The following AGBL3 variants were observed in gnomAD, a reference collection of about 807,000 sequenced individuals.
AGBL3 encodes the protein AGBL carboxypeptidase 3.
AGBL3 carries 68 observed loss-of-function variants against 94.5 expected under a neutral mutation model. That is an observed-to-expected ratio of 0.72 (90% confidence interval 0.59 to 0.88). The LOEUF is 0.88. Among genes scored for constraint, AGBL3 ranks in the 40% least tolerant of loss-of-function variants. The pLI is 0.00. For missense variants in AGBL3, 934 were observed against 1,103.8 expected, an observed-to-expected ratio of 0.85 and a Z score of 2.18; for synonymous variants, 354 against 370.7, an observed-to-expected ratio of 0.95 and a Z score of 0.52.
At chr7:135,055,996 C>G (rs1662451030) in intron 11 of AGBL3, among the ~76,000 whole-genome samples, 1 of 137,034 alleles carries the variant, frequency 7.3e-6, no homozygotes, top group African/African-American at 2.5e-5. Flanking sequence ...TTCTGGTACA[C>G]TGTGTCTTTC....
chr7:135,100,201 A>C (rs989619562), intron 15 of AGBL3: 12 of 152,056 alleles, frequency 7.9e-5, no homozygotes, highest in African/African-American at 2.9e-4. Flanking sequence ...TTTAAAAAAA[A>C]AAAAAACACT....
chr7:135,004,947 C>T (rs986163246), intron 4 of AGBL3, among the ~76,000 whole-genome samples: 1 of 151,044 alleles, frequency 6.6e-6, no homozygotes, highest in Non-Finnish European at 1.5e-5. Context: ...TTTATTTAAC[C>T]TCTTGCTCTG....
chr7:135,008,083 G>A (rs775115816), intron 4 of AGBL3, among the ~76,000 whole-genome samples: 5 of 151,932 alleles, frequency 3.3e-5, no homozygotes, highest in Non-Finnish European at 5.9e-5. Flanking sequence ...CAGATTGAAT[G>A]CAATTTCCAT....
chr7:135,046,113 A>G (rs1202663391), intron 11 of AGBL3, among the ~76,000 whole-genome samples: 1 of 152,170 alleles, frequency 6.6e-6, no homozygotes, highest in Admixed American at 6.6e-5. Context: ...TGCTATGTAC[A>G]GTGTACTGTG....
intron 7 of AGBL3, among the ~76,000 whole-genome samples, chr7:135,036,018 G>A (rs1816271546): frequency 6.6e-6 from 1 of 152,002 alleles, no homozygotes. Context: ...TAATTTCACT[G>A]TAGTTTAAAG....
intron 5 of AGBL3, among the ~76,000 whole-genome samples, chr7:135,024,198 G>T (rs1814830906): frequency 6.6e-6 from 1 of 152,154 alleles, no homozygotes; most frequent in Non-Finnish European, 1.5e-5. Context: ...CCAGTGATTG[G>T]AGGGGACTCC....
chr7:134,989,293 G>A lies in AGBL3; in HGVS notation c.107G>A (p.Arg36Gln), dbSNP rs1362392130. The change falls in exon 3 of 17, where the codon CGG (arginine) becomes CAG (glutamine). Residue 36 changes from arginine to glutamine, a missense_variant. Transcript: ENST00000436302. ...FMKFVSEDLH[R>Q]CALLTADSFG... ...AAATTTGTAAGTGAAGATCTTCATC[G>A]GTGTGCACTTTTAACAGGTTTGAAC... The A allele has an allele frequency of 2.5e-5, 38 of 1,546,958 alleles. No homozygotes were observed. Among genetic ancestry groups the A allele is most frequent in the Middle Eastern group, 1.7e-4 (1 of 5,988 alleles).
In AGBL3 at chr7:135,034,375, C is replaced by A; in HGVS notation, c.784C>A (p.Gln262Lys). 1.3e-6 allele frequency: 2 copies of A among 1,551,582 alleles called. No individual in the cohort carries two copies. Among genetic ancestry groups the A allele is most frequent in the Non-Finnish European group, 1.7e-6 (2 of 1,146,954 alleles). ...CATTGGCTGGCAGAGAATAGGAGAC[C>A]AAATCAAGTATTATAGGAACAACCC... ...HHIGWQRIGD[Q>K]IKYYRNNPGQ... is the part of the protein sequence containing the mutation. Residue 262 changes from glutamine to lysine, a missense_variant, in exon 7 of 17, where the codon CAA (glutamine) becomes AAA (lysine). This residue lies in a region of AGBL3 where 488 missense variants were observed against 563.6 expected (regional missense o/e 0.87). Coordinates refer to ENST00000436302, the MANE Select transcript of AGBL3 (RefSeq NM_178563.4).
chr7:135,053,723 T>G (rs779215736), intron 11 of AGBL3, among the ~76,000 whole-genome samples: 12 of 152,206 alleles, frequency 7.9e-5, no homozygotes, highest in Non-Finnish European at 1.5e-4. Context: ...TTTAGTTAAA[T>G]TATTCCTGAG....
chr7:135,042,936 A>G (rs1172126740), intron 8 of AGBL3, among the ~76,000 whole-genome samples: 1 of 152,212 alleles, frequency 6.6e-6, no homozygotes, highest in Non-Finnish European at 1.5e-5. Context: ...AAAGATGCAT[A>G]GAATGAAACA....
At chr7:135,093,640 G>T (rs1822197684) in intron 15 of AGBL3, 1 of 152,114 alleles carries the variant, frequency 6.6e-6, no homozygotes, top group South Asian at 2.1e-4. Context: ...AGATAACTCT[G>T]GTCATGGATC....
chr7:135,118,277 C>A (rs1250751686), intron 16 of AGBL3, among the ~76,000 whole-genome samples: 1 of 152,160 alleles, frequency 6.6e-6, no homozygotes, highest in African/African-American at 2.4e-5. Flanking sequence ...TCATTGAGTG[C>A]ATTTCTAGAT....
At chr7:135,104,450 T>C (rs1371981136) in intron 15 of AGBL3, among the ~76,000 whole-genome samples, 1 of 152,200 alleles carries the variant, frequency 6.6e-6, no homozygotes, top group Non-Finnish European at 1.5e-5. Context: ...TACCCAGTAA[T>C]AGAATTACCA....
At chr7:135,034,080 A>G (rs1816050793) in intron 6 of AGBL3, 69 bp from the exon 7 acceptor site, 3 of 1,285,172 alleles carry the variant, frequency 2.3e-6, no homozygotes, top group East Asian at 2.8e-5. Flanking sequence ...AAAATTTTAC[A>G]TTGGTTTTTT....
rs948694297 is a variant in AGBL3, at chr7:135,045,783, T to C, written c.1729-16T>C. ...AAAGTTATTTCATAATGAGCTCATT[T>C]ATTACTTTTGCCTAGTATTATCGGT... On this transcript the variant is annotated splice_polypyrimidine_tract_variant and intron_variant, in intron 10 of 16. Coordinates refer to ENST00000436302, the MANE Select transcript of AGBL3 (RefSeq NM_178563.4). 42 of 1,497,490 alleles carry C rather than the reference T, an allele frequency of 2.8e-5. No individual in the cohort carries two copies. Among genetic ancestry groups the C allele is most frequent in the Non-Finnish European group, 3.5e-5 (39 of 1,103,268 alleles). 92.8% of individuals were successfully genotyped at this position (1,497,490 alleles called of 1,614,324 possible). A position where few individuals can be genotyped will look rare whatever the true frequency, so the allele number is the denominator to read the frequency against.
intron 13 of AGBL3, among the ~76,000 whole-genome samples, chr7:135,079,885 G>A (rs1172659737): frequency 6.6e-6 from 1 of 152,010 alleles, no homozygotes; most frequent in East Asian, 1.9e-4. Context: ...TTAAATAAGT[G>A]AGATTATAAG....
At chr7:135,104,583 G>A (rs960353656) in intron 15 of AGBL3, among the ~76,000 whole-genome samples, 9 of 151,956 alleles carry the variant, frequency 5.9e-5, no homozygotes, top group African/African-American at 1.7e-4. Context: ...CAACCTTGCC[G>A]GCATTTGTTA....
chr7:135,083,389 C>A (rs1821079010), intron 15 of AGBL3, among the ~76,000 whole-genome samples: 1 of 152,186 alleles, frequency 6.6e-6, no homozygotes, highest in Non-Finnish European at 1.5e-5. Flanking sequence ...AAGACTGGCA[C>A]TGCCTTTTCT....
chr7:135,012,512 G>T (rs1202280177), intron 4 of AGBL3: 2 of 152,006 alleles, frequency 1.3e-5, no homozygotes, highest in Non-Finnish European at 2.9e-5. Flanking sequence ...TTAAATATTT[G>T]CTTTGTTTTT....
Sources: gnomAD v4.1 joint callset for allele counts (sites outside exome capture counted in the v4.1 genomes callset) on GRCh38, gnomAD v4.1.1 for gene constraint, gnomAD v4.1.1 regional missense constraint, MANE v1.5 for transcripts, NCBI Gene and HGNC (gene_info 2026-07-23, HGNC 2026-07-21) for gene names.